The following PPP3CA variants were observed in gnomAD, a reference collection of about 807,000 sequenced individuals.
PPP3CA encodes the protein CAM-PRP catalytic subunit.
Under a neutral mutation model 66.5 loss-of-function variants are expected in PPP3CA, and 14 were observed. The ratio of observed to expected loss-of-function variants is 0.21; its 90% CI spans 0.14 to 0.33. PPP3CA has a LOEUF of 0.33. PPP3CA is among the 10% of genes least tolerant of loss of function. The probability of loss-of-function intolerance (pLI) is 1.00; values close to 1 mark genes in which losing one functional copy is unlikely to be tolerated. For synonymous variants in PPP3CA, 232 were observed against 226.2 expected, an observed-to-expected ratio of 1.03 and a Z score of -0.23; for missense variants, 317 against 639.5, an observed-to-expected ratio of 0.50 and a Z score of 5.44.
chr4:101,317,511 T>C (rs1728918972), intron 1 of PPP3CA, among the ~76,000 whole-genome samples: 1 of 152,190 alleles, frequency 6.6e-6, no homozygotes, highest in South Asian at 2.1e-4. Context: ...GTATATTTTA[T>C]CATTCTTTAA....
chr4:101,314,621 C>CT, intron 1 of PPP3CA, among the ~76,000 whole-genome samples: 1 of 143,584 alleles, frequency 7.0e-6, no homozygotes, highest in Non-Finnish European at 1.5e-5. Context: ...GTAACTCTTA[C>CT]TTGTTGCTCT....
intron 1 of PPP3CA, among the ~76,000 whole-genome samples, chr4:101,322,487 T>G (rs953732589): frequency 1.3e-5 from 2 of 149,600 alleles, no homozygotes; most frequent in Non-Finnish European, 3.0e-5. Context: ...CTCAGCTCAC[T>G]ACAACCTCTG....
Position 101,108,843 on chromosome 4 carries a change from T to A in PPP3CA, c.384+111A>T, listed in dbSNP as rs532898471. On this transcript the variant is annotated intron_variant, in intron 3 of 13. Coordinates refer to ENST00000394854, the MANE Select transcript of PPP3CA (RefSeq NM_000944.5). ...GTAATATCCTATGAATTAAGTGAAT[T>A]AAATTTCATTGTTAGAGGTTTCCAT... The A allele has an allele frequency of 5.1e-5, 55 of 1,077,130 alleles. No homozygotes were observed. In the African/African-American group the frequency reaches 8.2e-4, roughly 16 times the overall value. 66.7% of individuals were successfully genotyped at this position (1,077,130 alleles called of 1,614,324 possible).
intron 1 of PPP3CA, among the ~76,000 whole-genome samples, chr4:101,228,852 A>G (rs891762750): frequency 6.6e-6 from 1 of 151,686 alleles, no homozygotes; most frequent in African/African-American, 2.4e-5. Flanking sequence ...AAGTAAATAC[A>G]AACTCTACAA....
chr4:101,229,472 T>C (rs570269791), intron 1 of PPP3CA, among the ~76,000 whole-genome samples: 2 of 151,796 alleles, frequency 1.3e-5, no homozygotes, highest in African/African-American at 4.8e-5. Context: ...CTAGCAAAAG[T>C]GTATAATTTT....
At chr4:101,165,101 G>C (rs906244) in intron 2 of PPP3CA, among the ~76,000 whole-genome samples, 1 of 151,898 alleles carries the variant, frequency 6.6e-6, no homozygotes, top group African/African-American at 2.4e-5. Flanking sequence ...TGGAATCTGC[G>C]ATTAAACAAA....
intron 2 of PPP3CA, among the ~76,000 whole-genome samples, chr4:101,159,486 C>G (rs951110970): frequency 6.6e-6 from 1 of 152,164 alleles, no homozygotes; most frequent in African/African-American, 2.4e-5. Context: ...CCCAACACTT[C>G]CACCCAAAAG....
chr4:101,080,502 A>C, intron 8 of PPP3CA, 30 bp downstream of exon 8: 1 of 1,190,064 alleles, frequency 8.4e-7, no homozygotes, highest in Non-Finnish European at 1.2e-6. Context: ...ATATTATGTA[A>C]GACTGCAAGA....
At chr4:101,150,085 G>A (rs924764892) in intron 2 of PPP3CA, among the ~76,000 whole-genome samples, 1 of 152,018 alleles carries the variant, frequency 6.6e-6, no homozygotes, top group Non-Finnish European at 1.5e-5. Flanking sequence ...CTAATATTTT[G>A]AGTAGAATGA....
rs369281154 is a variant in PPP3CA at position 101,099,600 on chromosome 4, A to C, written c.496+11T>G. On this transcript the variant is annotated intron_variant, in intron 4 of 13. Coordinates refer to ENST00000394854, the MANE Select transcript of PPP3CA (RefSeq NM_000944.5). ...TATAGTGTTAAAGGAAGGAGGTTGA[A>C]GTATACTTACATTCTTGTTTAAATG... 6.7e-7 allele frequency: 1 copy of C among 1,486,620 alleles called. No individual in the cohort carries two copies. The highest frequency in any genetic ancestry group is 9.3e-7 in the Non-Finnish European group (1 of 1,078,986). 92.1% of individuals were successfully genotyped at this position (1,486,620 alleles called of 1,614,324 possible).
intron 1 of PPP3CA, among the ~76,000 whole-genome samples, chr4:101,238,269 G>A (rs546032603): frequency 5.9e-5 from 9 of 151,946 alleles, no homozygotes; most frequent in South Asian, 2.1e-4. Flanking sequence ...TGATATTATC[G>A]AACAAAATAT....
rs192147665 is a variant in PPP3CA, at chr4:101,137,218, C to T, written c.260-28140G>A. Among the ~76,000 whole-genome samples the T allele has an allele frequency of 4.8e-3, 738 of 152,188 alleles. 4 individuals are homozygous for T. The highest frequency in any genetic ancestry group is 0.017 in the African/African-American group (696 of 41,522). On this transcript the variant is annotated intron_variant, in intron 2 of 13. Transcript: ENST00000394854. ...GGAGTACAGGTTACCAGGCATATTA[C>T]AGTGGGGATTTTCTGATATTATCTA...
chr4:101,097,688 T>G (rs1265891046), intron 5 of PPP3CA, among the ~76,000 whole-genome samples: 1 of 152,144 alleles, frequency 6.6e-6, no homozygotes, highest in Admixed American at 6.6e-5. Flanking sequence ...AAAGATTGTC[T>G]ATCTATTGTA....
chr4:101,159,889 C>T (rs893100809), intron 2 of PPP3CA, among the ~76,000 whole-genome samples: 1 of 152,050 alleles, frequency 6.6e-6, no homozygotes, highest in Non-Finnish European at 1.5e-5. Flanking sequence ...ACCATCTGTA[C>T]ACAGAAATGG....
chr4:101,123,737 G>C (rs1261914590), intron 2 of PPP3CA, among the ~76,000 whole-genome samples: 1 of 152,146 alleles, frequency 6.6e-6, no homozygotes, highest in Non-Finnish European at 1.5e-5. Flanking sequence ...ATCCAGGCTA[G>C]GAAGCTTGAA....
intron 1 of PPP3CA, among the ~76,000 whole-genome samples, chr4:101,199,371 C>T (rs1410036356): frequency 6.6e-6 from 1 of 152,204 alleles, no homozygotes; most frequent in Admixed American, 6.5e-5. Flanking sequence ...TTCATTGATA[C>T]ATGAGCAGGC....
chr4:101,131,421 GAA>G lies in PPP3CA; in HGVS notation c.260-22345_260-22344del, dbSNP rs60025424. ...GGAAGATTTACCAAGCAAATAGAAAGAAAAAAAAAAAAAAGCAGTGGTTGCAA... is the reference window on the plus strand; with the variant it reads ...GGAAGATTTACCAAGCAAATAGAAAGAAAAAAAAAAAAGCAGTGGTTGCAA... On this transcript the variant is annotated intron_variant, in intron 2 of 13. Transcript: ENST00000394854. Among the ~76,000 whole-genome samples the G allele has an allele frequency of 4.1e-3, 415 of 102,462 alleles. 5 individuals are homozygous for G. Among genetic ancestry groups the G allele is most frequent in the African/African-American group, 0.014 (383 of 27,134 alleles). 67.2% of individuals were successfully genotyped at this position (102,462 alleles called of 152,430 possible).
intron 1 of PPP3CA, among the ~76,000 whole-genome samples, chr4:101,233,333 C>T (rs943967996): frequency 2.0e-5 from 3 of 151,668 alleles, no homozygotes; most frequent in Admixed American, 6.6e-5. Flanking sequence ...CACAAAAGTC[C>T]AGGGCAAATG....
At chr4:101,041,194 C>G (rs1002078525) in intron 10 of PPP3CA, among the ~76,000 whole-genome samples, 5 of 151,970 alleles carry the variant, frequency 3.3e-5, no homozygotes, top group Admixed American at 1.3e-4. Context: ...ACAATGGCAC[C>G]ATGGTTTGCA....
Sources: gnomAD v4.1 joint callset for allele counts (sites outside exome capture counted in the v4.1 genomes callset) on GRCh38, gnomAD v4.1.1 for gene constraint, MANE v1.5 for transcripts, NCBI Gene and HGNC (gene_info 2026-07-23, HGNC 2026-07-21) for gene names.